Variants in CPLANE1 observed in about 807,000 individuals in gnomAD.
CPLANE1 encodes ciliogenesis and planar polarity effector complex subunit 1.
A neutral mutation model predicts 362.5 loss-of-function variants in CPLANE1; 263 were observed. The observed-to-expected ratio is 0.73, with a 90% confidence interval of 0.66 to 0.80. CPLANE1 has a LOEUF of 0.80. CPLANE1 is among the 30% of genes least tolerant of loss of function. The probability of loss-of-function intolerance (pLI) is 0.00; values close to 1 mark genes in which losing one functional copy is unlikely to be tolerated. For missense variants in CPLANE1, 3,461 were observed against 3,793.4 expected (o/e 0.91, Z 2.30); for synonymous variants, 1,212 against 1,302.6 (o/e 0.93, Z 1.50).
chr5:37,130,254 G>A (rs1363812293), intron 46 of CPLANE1, among the ~76,000 whole-genome samples: 1 of 152,162 alleles, frequency 6.6e-6, no homozygotes, highest in Non-Finnish European at 1.5e-5. Flanking sequence ...GGAGGTGGGT[G>A]AGGAATAAAG....
intron 43 of CPLANE1, among the ~76,000 whole-genome samples, chr5:37,145,028 G>A (rs529670216): frequency 1.6e-4 from 24 of 152,040 alleles, no homozygotes; most frequent in East Asian, 5.8e-4. Flanking sequence ...ATCAGAGGCC[G>A]GGCGTGGTGG....
At chr5:37,135,338 T>G (rs549396007) in intron 46 of CPLANE1, among the ~76,000 whole-genome samples, 1 of 152,208 alleles carries the variant, frequency 6.6e-6, no homozygotes. Context: ...TGTATTAGTC[T>G]GTTCTCACAC....
intron 43 of CPLANE1, among the ~76,000 whole-genome samples, chr5:37,145,765 C>CA (rs1187499394): frequency 9.9e-5 from 15 of 151,642 alleles, no homozygotes; most frequent in South Asian, 2.1e-4. Context: ...AAATAAATGG[C>CA]AAAAAAACCA....
intron 52 of CPLANE1, 87 bp downstream of exon 52, chr5:37,108,205 CA>C: frequency 1.5e-6 from 2 of 1,311,522 alleles, no homozygotes; most frequent in Non-Finnish European, 2.1e-6. Flanking sequence ...CCACAAAAAA[CA>C]AACTAAAAAA....
chr5:37,234,101 AT>A (rs1347666283), intron 8 of CPLANE1, among the ~76,000 whole-genome samples: 1 of 152,188 alleles, frequency 6.6e-6, no homozygotes, highest in African/African-American at 2.4e-5. Flanking sequence ...CTATAAAAGC[AT>A]TTTCAAAAAA....
chr5:37,225,503 T>C (rs1466738575), intron 12 of CPLANE1, among the ~76,000 whole-genome samples: 2 of 152,128 alleles, frequency 1.3e-5, no homozygotes, highest in Non-Finnish European at 2.9e-5. Context: ...AAGTGCTCGA[T>C]CACAGGCGTG....
Position 37,206,276 on chromosome 5 carries a change from T to C in CPLANE1, c.3070A>G (p.Lys1024Glu), listed in dbSNP as rs962053628. The C allele has an allele frequency of 6.4e-7, 1 of 1,551,788 alleles. No homozygotes were observed. Among genetic ancestry groups the C allele is most frequent in the Non-Finnish European group, 8.7e-7 (1 of 1,147,012 alleles). ...ACAGACGTCTTCCAGTCTCCAAGTT[T>C]ATATGCCAACCACACAGCCTCTGGA... ...LVPEAVWLAY[K>E]LGDWKTSVSI... The change falls in exon 17 of 53, where the codon AAA becomes GAA. Residue 1024 changes from lysine to glutamate, a missense_variant. Physicochemically the swap from Lys to Glu is moderately conservative, Grantham distance 56. This residue lies in a region of CPLANE1 where 3,380 missense variants were observed against 3,666.1 expected (regional missense o/e 0.92). Transcript: ENST00000651892.
chr5:37,189,333 G>A (rs1196483646), intron 21 of CPLANE1, among the ~76,000 whole-genome samples: 1 of 152,172 alleles, frequency 6.6e-6, no homozygotes. Context: ...AATAGTGAGA[G>A]AGGATGGTGG....
intron 42 of CPLANE1, among the ~76,000 whole-genome samples, chr5:37,152,418 C>G (rs1054744160): frequency 1.3e-5 from 2 of 151,984 alleles, no homozygotes; most frequent in Non-Finnish European, 2.9e-5. Flanking sequence ...GAGTACCCAA[C>G]CATGGTCTCA....
At chr5:37,203,755 T>G (rs1034963973) in intron 18 of CPLANE1, among the ~76,000 whole-genome samples, 1 of 152,214 alleles carries the variant, frequency 6.6e-6, no homozygotes, top group Admixed American at 6.5e-5. Context: ...TGGGCTCAAG[T>G]GATCTGCTGG....
chr5:37,119,126 A>T (rs535222379), intron 50 of CPLANE1, among the ~76,000 whole-genome samples: 5 of 152,200 alleles, frequency 3.3e-5, no homozygotes, highest in Non-Finnish European at 5.9e-5. Context: ...CAAAACTCAA[A>T]TATGGCACAA....
Position 37,153,784 on chromosome 5 carries a change from G to T in CPLANE1, c.8329C>A (p.Gln2777Lys). Residue 2777 changes from glutamine (Q) to lysine (K), a missense_variant, in exon 42 of 53, where the codon CAG becomes AAG. Around this residue, in one of 2 missense-constraint regions of CPLANE1, gnomAD observed 3,380 missense variants for 3,666.1 expected, o/e 0.92. Coordinates refer to ENST00000651892, the MANE Select transcript of CPLANE1 (RefSeq NM_001384732.1). The stretch of plus-strand genomic sequence containing the variant: ...AGCATTTCAGGCTTGGGGAAATCCT[G>T]TTCTATGTTTTCAGCAATGTTCTGT... ...AIQNIAENIEQDFPKPEMLDL... is the reference protein window; with the variant it reads ...AIQNIAENIEKDFPKPEMLDL... 4 of 1,613,898 alleles carry T rather than the reference G, an allele frequency of 2.5e-6. No homozygotes were observed. The highest frequency in any genetic ancestry group is 3.4e-6 in the Non-Finnish European group (4 of 1,179,886).
intron 32 of CPLANE1, among the ~76,000 whole-genome samples, chr5:37,171,610 T>C (rs1779799138): frequency 6.6e-6 from 1 of 152,212 alleles, no homozygotes; most frequent in African/African-American, 2.4e-5. Flanking sequence ...TTAAAAAATG[T>C]AGTTTTCTTT....
At chr5:37,218,357 A>AT (rs1794617236) in intron 15 of CPLANE1, among the ~76,000 whole-genome samples, 1 of 152,214 alleles carries the variant, frequency 6.6e-6, no homozygotes, top group Admixed American at 6.5e-5. Context: ...CTGGTAGACT[A>AT]TATCTCACAT....
intron 2 of CPLANE1, among the ~76,000 whole-genome samples, chr5:37,247,148 A>G (rs1160386311): frequency 6.6e-6 from 1 of 152,212 alleles, no homozygotes; most frequent in African/African-American, 2.4e-5. Flanking sequence ...TGGGGAATCT[A>G]TGCCATATAT....
intron 25 of CPLANE1, 145 bp downstream of exon 25, chr5:37,184,643 T>A (rs982962031): frequency 3.3e-6 from 2 of 614,992 alleles, no homozygotes; most frequent in Admixed American, 6.3e-5. Context: ...AATATTCTTA[T>A]GAGTGGAGGG....
intron 41 of CPLANE1, 124 bp downstream of exon 41, chr5:37,157,189 C>G (rs1215509171): frequency 2.7e-6 from 1 of 372,736 alleles, no homozygotes; most frequent in African/African-American, 2.1e-5. Flanking sequence ...CCTACTTGCC[C>G]CCATGCTCCT....
At chr5:37,220,178 G>A (rs1795050078) in intron 15 of CPLANE1, among the ~76,000 whole-genome samples, 1 of 151,956 alleles carries the variant, frequency 6.6e-6, no homozygotes. Context: ...CTTGAGCCCA[G>A]GCGCCAGAGG....
At chr5:37,158,420 T>C in intron 38 of CPLANE1, 75 bp from the exon 39 acceptor site, 1 of 1,407,724 alleles carries the variant, frequency 7.1e-7, no homozygotes, top group Non-Finnish European at 9.6e-7. Context: ...CAGCTTTGTA[T>C]GAACAAGTTA....
Sources: gnomAD v4.1 joint callset for allele counts (sites outside exome capture counted in the v4.1 genomes callset) on GRCh38, gnomAD v4.1.1 for gene constraint, gnomAD v4.1.1 regional missense constraint, MANE v1.5 for transcripts, NCBI Gene and HGNC (gene_info 2026-07-23, HGNC 2026-07-21) for gene names.